Variants in PTCSC3 observed in about 807,000 individuals in gnomAD.
PTCSC3 encodes the protein papillary thyroid carcinoma susceptibility candidate 3 (non-protein coding).
chr14:36,158,354 G>A (rs771557186), intron 2 of PTCSC3, among the ~76,000 whole-genome samples: 10 of 152,152 alleles, frequency 6.6e-5, no homozygotes, highest in East Asian at 3.9e-4. Context: ...AAATGCTTCC[G>A]GTTTTTGCCC....
chr14:36,149,657 CATTA>C (rs1408754739), intron 3 of PTCSC3, among the ~76,000 whole-genome samples: 3 of 152,174 alleles, frequency 2.0e-5, no homozygotes, highest in Admixed American at 6.5e-5. Context: ...TCTGAATACA[CATTA>C]ATTATTATGT....
chr14:36,176,072 A>G (rs1390325370), intron 1 of PTCSC3, among the ~76,000 whole-genome samples: 1 of 152,220 alleles, frequency 6.6e-6, no homozygotes, highest in Non-Finnish European at 1.5e-5. Context: ...TAAGAAAACG[A>G]TACAAATACA....
chr14:36,156,216 T>C (rs938116587), intron 2 of PTCSC3, among the ~76,000 whole-genome samples: 1 of 152,192 alleles, frequency 6.6e-6, no homozygotes, highest in African/African-American at 2.4e-5. Flanking sequence ...CTTTGGTGGT[T>C]GTTTTATGTT....
rs183804536 is a variant in PTCSC3 at position 36,148,932 on chromosome 14, T to C, written n.322+4872A>G. On this transcript the variant is annotated intron_variant and non_coding_transcript_variant, in intron 3 of 3. Coordinates refer to ENST00000556013, the Ensembl canonical transcript of PTCSC3. ...CATTGTTAGCCTGGCTAAGGGTTTA[T>C]CAATTAGATTGCTCTATTTTTGGTT... Among the ~76,000 whole-genome samples the C allele has an allele frequency of 1.3e-3, 204 of 152,298 alleles. 2 individuals are homozygous for C. The highest frequency in any genetic ancestry group is 4.8e-3 in the African/African-American group (200 of 41,568).
At chr14:36,175,569 G>C (rs1025518253) in intron 1 of PTCSC3, among the ~76,000 whole-genome samples, 1 of 152,064 alleles carries the variant, frequency 6.6e-6, no homozygotes, top group Non-Finnish European at 1.5e-5. Context: ...AATCATATAG[G>C]CTATGCCTAG....
At chr14:36,157,358 A>T (rs983939391) in intron 2 of PTCSC3, among the ~76,000 whole-genome samples, 4 of 151,978 alleles carry the variant, frequency 2.6e-5, no homozygotes, top group Middle Eastern at 3.4e-3. Flanking sequence ...TTGCCTGTTC[A>T]CTCTGATGGT....
chr14:36,156,761 G>C (rs1276558035), intron 2 of PTCSC3, among the ~76,000 whole-genome samples: 2 of 152,122 alleles, frequency 1.3e-5, no homozygotes, highest in African/African-American at 4.8e-5. Flanking sequence ...TTTTATGGCT[G>C]CATAGTATTC....
chr14:36,141,499 C>G (rs1166389515), intron 3 of PTCSC3, among the ~76,000 whole-genome samples: 1 of 151,796 alleles, frequency 6.6e-6, no homozygotes, highest in Non-Finnish European at 1.5e-5. Flanking sequence ...ATTACAGGCA[C>G]ATGCCACCAC....
At chr14:36,157,554 T>TTCA (rs1481437948) in intron 2 of PTCSC3, among the ~76,000 whole-genome samples, 2 of 152,206 alleles carry the variant, frequency 1.3e-5, no homozygotes, top group Non-Finnish European at 2.9e-5. Flanking sequence ...ACATCTTTAA[T>TTCA]TCATCTTTTT....
intron 3 of PTCSC3, among the ~76,000 whole-genome samples, chr14:36,137,237 G>T (rs1444269119): frequency 6.6e-6 from 1 of 151,820 alleles, no homozygotes; most frequent in Non-Finnish European, 1.5e-5. Flanking sequence ...CCTGAAATGG[G>T]AGCAGCTTGA....
chr14:36,175,035 A>G (rs1400437768), intron 1 of PTCSC3, among the ~76,000 whole-genome samples: 2 of 151,564 alleles, frequency 1.3e-5, no homozygotes, highest in African/African-American at 2.4e-5. Flanking sequence ...GTACAATCCA[A>G]CTCTCAGTCA....
intron 3 of PTCSC3, among the ~76,000 whole-genome samples, chr14:36,140,403 C>T (rs956784806): frequency 7.2e-5 from 11 of 152,154 alleles, no homozygotes; most frequent in Admixed American, 4.6e-4. Flanking sequence ...TGTTTACCTT[C>T]GTCAGAAACT....
chr14:36,156,627 T>C (rs1359908640), intron 2 of PTCSC3, among the ~76,000 whole-genome samples: 1 of 152,084 alleles, frequency 6.6e-6, no homozygotes, highest in East Asian at 1.9e-4. Context: ...TGTGTTCTCA[T>C]TGTTCAGCTC....
chr14:36,150,236 G>A lies in PTCSC3; in HGVS notation n.322+3568C>T, dbSNP rs1030987927. Among the ~76,000 whole-genome samples the A allele has an allele frequency of 2.0e-5, 3 of 152,138 alleles. No homozygotes were observed. The East Asian group carries it at 5.8e-4, about 29-fold the overall frequency. ...ACCCTCCAAGATGATAGTATTAGGA[G>A]GTGGGACTTTTGGAAGGTTGTTGAG... On this transcript the variant is annotated intron_variant and non_coding_transcript_variant, in intron 3 of 3. Coordinates refer to ENST00000556013, the Ensembl canonical transcript of PTCSC3.
chr14:36,168,477 A>G (rs2139112216), intron 1 of PTCSC3, among the ~76,000 whole-genome samples: 1 of 150,954 alleles, frequency 6.6e-6, no homozygotes, highest in East Asian at 1.9e-4. Flanking sequence ...CCAGCTAGTT[A>G]AGGTTGGAAG....
chr14:36,155,209 G>T (rs77766354), intron 2 of PTCSC3, among the ~76,000 whole-genome samples: 3,631 of 152,182 alleles, frequency 0.024, 139 homozygotes, highest in African/African-American at 0.084. Context: ...GAAACTCCAA[G>T]GTAGTTAAGT....
rs571441402 is a variant in PTCSC3 at position 36,156,381 on chromosome 14, T to C, written n.232-2487A>G. ...TCTTAGGGAGTATGGGTACATTTAC[T>C]TTGTCACCAAAAAGAATAAAATCTG... is the stretch of plus-strand genomic sequence containing the variant. On this transcript the variant is annotated intron_variant and non_coding_transcript_variant, in intron 2 of 3. Transcript: ENST00000556013. 1.9e-3 allele frequency among the ~76,000 whole-genome samples: 296 copies of C among 152,338 alleles called. 1 individual carries two copies. Among genetic ancestry groups the C allele is most frequent in the African/African-American group, 7.0e-3 (290 of 41,584 alleles).
rs149624041 is a variant in PTCSC3, at chr14:36,165,542, T to TA, written n.172-2860dup. On this transcript the variant is annotated intron_variant and non_coding_transcript_variant, in intron 1 of 3. Transcript: ENST00000556013. ...AAATAAATCCCTTGTTTGCAATCTATAAAAAAAAAAAGCAGTTAAATTTAA... is the reference window on the plus strand; with the variant it reads ...AAATAAATCCCTTGTTTGCAATCTATAAAAAAAAAAAAGCAGTTAAATTTAA... 3.0e-3 allele frequency among the ~76,000 whole-genome samples: 422 copies of TA among 142,268 alleles called. 2 individuals carry two copies. Among genetic ancestry groups the TA allele is most frequent in the African/African-American group, 2.9e-3 (114 of 38,762 alleles). 93.3% of individuals were successfully genotyped at this position (142,268 alleles called of 152,430 possible). A position where few individuals can be genotyped will look rare whatever the true frequency, so the allele number is the denominator to read the frequency against.
chr14:36,175,921 C>T (rs187366631), intron 1 of PTCSC3, among the ~76,000 whole-genome samples: 1 of 152,260 alleles, frequency 6.6e-6, no homozygotes, highest in East Asian at 1.9e-4. Context: ...CTTGGGAGGG[C>T]TTCTCCCAAT....
Sources: gnomAD v4.1 joint callset for allele counts (sites outside exome capture counted in the v4.1 genomes callset) on GRCh38, gnomAD v4.1.1 for gene constraint, MANE v1.5 for transcripts, NCBI Gene and HGNC (gene_info 2026-07-23, HGNC 2026-07-21) for gene names.